LRRC49: variants seen among roughly 807,000 people sequenced by gnomAD.
LRRC49 encodes leucine-rich repeat-containing protein 49.
In LRRC49, 50 loss-of-function variants were observed where a neutral mutation model predicts 83.3. The ratio of observed to expected loss-of-function variants is 0.60; its 90% confidence interval spans 0.48 to 0.76. The LOEUF (loss-of-function observed/expected upper bound fraction) is 0.76, where lower values mean the gene tolerates loss of function less well. LRRC49 is among the 30% of genes least tolerant of loss of function. The probability of loss-of-function intolerance (pLI) is 0.00; values close to 1 mark genes in which losing one functional copy is unlikely to be tolerated. For synonymous variants in LRRC49, 286 were observed against 283.3 expected (o/e 1.01, Z -0.10); for missense variants, 704 against 809.1 (o/e 0.87, Z 1.58).
intron 6 of LRRC49, among the ~76,000 whole-genome samples, chr15:70,915,682 T>C (rs2034744195): frequency 6.6e-6 from 1 of 152,220 alleles, no homozygotes; most frequent in Admixed American, 6.5e-5. Flanking sequence ...TTTTAAATTC[T>C]ATCACCTGTT....
chr15:70,984,035 G>A, intron 10 of LRRC49, 59 bp from the exon 11 acceptor site: 1 of 1,366,932 alleles, frequency 7.3e-7, no homozygotes, highest in East Asian at 2.4e-5. Context: ...CCCCTTAGAT[G>A]TCACTTCTGC....
chr15:71,046,521 A>G (rs1596183957), intron 15 of LRRC49, among the ~76,000 whole-genome samples: 1 of 152,126 alleles, frequency 6.6e-6, no homozygotes, highest in East Asian at 1.9e-4. Flanking sequence ...GTATCTGTTC[A>G]TGTCCTTTGC....
chr15:70,945,531 G>A (rs2035975965), intron 8 of LRRC49, among the ~76,000 whole-genome samples: 1 of 149,878 alleles, frequency 6.7e-6, no homozygotes, highest in African/African-American at 2.4e-5. Flanking sequence ...GTGTGTGTGT[G>A]TGTGTGTGTG....
In LRRC49 at chr15:71,037,187, A is replaced by T. The variant is rs781033290; in HGVS notation, c.1712A>T (p.Gln571Leu). 1 of 1,604,166 alleles carries T rather than the reference A, an allele frequency of 6.2e-7. No individual in the cohort carries two copies. The highest frequency in any genetic ancestry group is 1.3e-5 in the African/African-American group (1 of 74,172). ...ISILGDARKK[Q>L]FRYLLESKGK... ...TTACTGTCTTTCTACAGGAAAAAGC[A>T]ATTTCGGTATCTACTAGAATCCAAA... The change falls in exon 15 of 16, where the codon CAA becomes CTA. Residue 571 changes from glutamine to leucine, a missense_variant. Gln to Leu is a moderately radical substitution (Grantham distance 113). This residue lies in a region of LRRC49 where 275 missense variants were observed against 338.0 expected (regional missense o/e 0.81). Coordinates refer to ENST00000260382, the MANE Select transcript of LRRC49 (RefSeq NM_017691.5).
chr15:70,916,148 T>C (rs2034763457), intron 6 of LRRC49, among the ~76,000 whole-genome samples: 1 of 152,198 alleles, frequency 6.6e-6, no homozygotes, highest in Non-Finnish European at 1.5e-5. Flanking sequence ...CAGAAACTCA[T>C]CCCATTGTGC....
At chr15:70,969,772 G>A (rs981258746) in intron 9 of LRRC49, among the ~76,000 whole-genome samples, 3 of 151,894 alleles carry the variant, frequency 2.0e-5, no homozygotes, top group Admixed American at 2.0e-4. Flanking sequence ...TCATGATTTG[G>A]CTCTCTGTCT....
At chr15:70,950,813 T>A (rs539059709) in intron 8 of LRRC49, among the ~76,000 whole-genome samples, 1 of 152,336 alleles carries the variant, frequency 6.6e-6, no homozygotes, top group African/African-American at 2.4e-5. Flanking sequence ...TTTTGAAGAC[T>A]TAGTCATAAA....
At chr15:70,868,360 A>G (rs1329064984) in intron 1 of LRRC49, among the ~76,000 whole-genome samples, 1 of 152,240 alleles carries the variant, frequency 6.6e-6, no homozygotes, top group Non-Finnish European at 1.5e-5. Flanking sequence ...TCCAATTATT[A>G]CAACTCAGGC....
upstream of LRRC49, among the ~76,000 whole-genome samples, chr15:70,891,232 G>A (rs968656411): frequency 6.6e-6 from 1 of 152,138 alleles, no homozygotes; most frequent in African/African-American, 2.4e-5. Flanking sequence ...ATGTTTAGAA[G>A]GAACAGAAAA....
intron 9 of LRRC49, among the ~76,000 whole-genome samples, chr15:70,973,481 C>T (rs1192160225): frequency 6.6e-6 from 1 of 152,206 alleles, no homozygotes; most frequent in Non-Finnish European, 1.5e-5. Context: ...CTTGAGGAGG[C>T]AGTCTGTCCC....
chr15:71,005,723 A>C (rs2038433294), intron 11 of LRRC49, among the ~76,000 whole-genome samples: 1 of 152,174 alleles, frequency 6.6e-6, no homozygotes, highest in South Asian at 2.1e-4. Context: ...TTCTTAGCAC[A>C]GTGTTTTGTA....
At position 71,050,379 on chromosome 15, in the gene LRRC49, TG is replaced by T. The variant is rs888932946; in HGVS notation, c.*768del. 50 of 152,356 alleles carry T rather than the reference TG, an allele frequency of 3.3e-4. No individual in the cohort carries two copies. The highest frequency in any genetic ancestry group is 1.2e-3 in the African/African-American group (49 of 41,586). The allele number at this position is 152,356 out of a possible 1,614,324, so 9.4% of individuals were successfully genotyped here. A position where few individuals can be genotyped will look rare whatever the true frequency, so the allele number is the denominator to read the frequency against. ...TTTCCTTCCATTGTTAGCTCTCAAATGCTCTTTTAATAGACATGCATGTGTA... is the reference window on the plus strand; with the variant it reads ...TTTCCTTCCATTGTTAGCTCTCAAATCTCTTTTAATAGACATGCATGTGTA... On this transcript the variant is annotated 3_prime_UTR_variant, in exon 16 of 16. Transcript: ENST00000260382.
intron 12 of LRRC49, among the ~76,000 whole-genome samples, chr15:71,009,194 T>C (rs1246375616): frequency 6.6e-6 from 1 of 151,912 alleles, no homozygotes; most frequent in Non-Finnish European, 1.5e-5. Flanking sequence ...GGTGGGTTTT[T>C]GTTTTTATTT....
intron 1 of LRRC49, among the ~76,000 whole-genome samples, chr15:70,856,373 C>G (rs1342080972): frequency 6.6e-6 from 1 of 152,128 alleles, no homozygotes; most frequent in Non-Finnish European, 1.5e-5. Flanking sequence ...CAGACATCAT[C>G]CAGCTCGGAG....
chr15:71,018,635 C>A (rs2038902004), intron 14 of LRRC49, among the ~76,000 whole-genome samples: 1 of 152,188 alleles, frequency 6.6e-6, no homozygotes, highest in Non-Finnish European at 1.5e-5. Context: ...TTTCCCTACA[C>A]ACTAGCCAGG....
At chr15:70,929,118 C>T (rs1474900627) in intron 7 of LRRC49, among the ~76,000 whole-genome samples, 1 of 152,026 alleles carries the variant, frequency 6.6e-6, no homozygotes, top group Non-Finnish European at 1.5e-5. Context: ...TCAGTCCATC[C>T]ATTGAGTTTT....
chr15:70,989,243 GT>G (rs1233498626), intron 11 of LRRC49, among the ~76,000 whole-genome samples: 1 of 152,082 alleles, frequency 6.6e-6, no homozygotes. Flanking sequence ...TTCCAACTTG[GT>G]TCCATTCTCC....
upstream of LRRC49, chr15:70,891,766 T>G: frequency 7.5e-7 from 1 of 1,336,634 alleles, no homozygotes; most frequent in Non-Finnish European, 9.9e-7. Flanking sequence ...TGAGGTGCCT[T>G]TCCCAAGGTG....
intron 10 of LRRC49, among the ~76,000 whole-genome samples, chr15:70,980,638 T>C (rs964719283): frequency 3.3e-5 from 5 of 152,016 alleles, no homozygotes; most frequent in Admixed American, 2.0e-4. Context: ...ATAAAGATTT[T>C]GTGGAACTTA....
Sources: gnomAD v4.1 joint callset for allele counts (sites outside exome capture counted in the v4.1 genomes callset) on GRCh38, gnomAD v4.1.1 for gene constraint, gnomAD v4.1.1 regional missense constraint, MANE v1.5 for transcripts, NCBI Gene and HGNC (gene_info 2026-07-23, HGNC 2026-07-21) for gene names.